ARHGAP28: variants seen among roughly 807,000 people sequenced by gnomAD.
ARHGAP28 encodes the protein Rho GTPase activating protein 28.
ARHGAP28 carries 56 observed loss-of-function variants against 90.7 expected under a neutral mutation model. The observed-to-expected ratio is 0.62, with a 90% CI of 0.50 to 0.77. The LOEUF (loss-of-function observed/expected upper bound fraction) is 0.77, where lower values mean the gene tolerates loss of function less well. ARHGAP28 is among the 30% of genes least tolerant of loss of function. The probability of loss-of-function intolerance (pLI) is 0.00; values close to 1 mark genes in which losing one functional copy is unlikely to be tolerated. For synonymous variants in ARHGAP28, 308 were observed against 323.3 expected (o/e 0.95, Z 0.51); for missense variants, 869 against 900.9 (o/e 0.96, Z 0.45).
At chr18:6,898,398 T>A in intron 16 of ARHGAP28, 1 of 993,554 alleles carries the variant, frequency 1.0e-6, no homozygotes, top group Non-Finnish European at 1.6e-6. Flanking sequence ...TATACACATA[T>A]ACACACACAC....
chr18:6,904,472 T>C (rs903807523), intron 16 of ARHGAP28, among the ~76,000 whole-genome samples: 1 of 152,212 alleles, frequency 6.6e-6, no homozygotes, highest in Non-Finnish European at 1.5e-5. Flanking sequence ...GAAGAATTTA[T>C]AGCAGTAAAT....
intron 12 of ARHGAP28, among the ~76,000 whole-genome samples, chr18:6,887,719 G>A (rs1032465453): frequency 6.6e-6 from 1 of 152,162 alleles, no homozygotes; most frequent in Non-Finnish European, 1.5e-5. Flanking sequence ...CACCACGCCC[G>A]GGCGGTATGT....
At chr18:6,890,167 C>G in intron 13 of ARHGAP28, 82 bp downstream of exon 13, 1 of 1,492,024 alleles carries the variant, frequency 6.7e-7, no homozygotes, top group Non-Finnish European at 9.3e-7. Flanking sequence ...GGGCAACTCC[C>G]TTGGTCATAG....
At chr18:6,781,016 C>T (rs921315481) in intron 1 of ARHGAP28, among the ~76,000 whole-genome samples, 10 of 152,288 alleles carry the variant, frequency 6.6e-5, no homozygotes, top group Admixed American at 1.3e-4. Context: ...CCACTTCTGA[C>T]GGACAGCAGA....
chr18:6,738,759 TAA>T, intron 1 of ARHGAP28, among the ~76,000 whole-genome samples: 1 of 152,138 alleles, frequency 6.6e-6, no homozygotes, highest in East Asian at 1.9e-4. Flanking sequence ...TGGCAAGAGA[TAA>T]AAAGCAGAAG....
intron 14 of ARHGAP28, among the ~76,000 whole-genome samples, chr18:6,892,372 G>A (rs571193558): frequency 6.6e-6 from 1 of 151,952 alleles, no homozygotes; most frequent in Admixed American, 6.6e-5. Context: ...GGCTGGTTTC[G>A]AACTCCTGAC....
At chr18:6,910,957 G>A (rs896782887) in intron 17 of ARHGAP28, among the ~76,000 whole-genome samples, 1 of 151,814 alleles carries the variant, frequency 6.6e-6, no homozygotes, top group African/African-American at 2.4e-5. Flanking sequence ...CCATTCTCCT[G>A]CCTCAGCCTC....
chr18:6,886,741 G>A (rs1229578749), intron 11 of ARHGAP28, among the ~76,000 whole-genome samples: 1 of 152,144 alleles, frequency 6.6e-6, no homozygotes, highest in African/African-American at 2.4e-5. Flanking sequence ...TAGTAGTCCA[G>A]GTTTGAAACC....
At chr18:6,789,934 T>A (rs1478603144) in intron 1 of ARHGAP28, 1 of 152,086 alleles carries the variant, frequency 6.6e-6, no homozygotes, top group Non-Finnish European at 1.5e-5. Context: ...TTAAAGTGAT[T>A]CTCATGCCGC....
At chr18:6,828,837 A>G (rs541872706) in intron 2 of ARHGAP28, among the ~76,000 whole-genome samples, 98 of 152,334 alleles carry the variant, frequency 6.4e-4, no homozygotes, top group African/African-American at 2.2e-3. Context: ...CCTGTCTGTC[A>G]ACAAGCAAAT....
chr18:6,736,604 G>T (rs887772979), intron 1 of ARHGAP28, among the ~76,000 whole-genome samples: 1 of 151,430 alleles, frequency 6.6e-6, no homozygotes, highest in Non-Finnish European at 1.5e-5. Context: ...AAAATTAGTC[G>T]AGCGTGATGG....
chr18:6,831,471 G>GTTTTTTTTTTTTTTTTA (rs57331018), intron 2 of ARHGAP28, among the ~76,000 whole-genome samples: 1 of 109,306 alleles, frequency 9.1e-6, no homozygotes, highest in Non-Finnish European at 1.8e-5. Context: ...GTATCTTGAT[G>GTTTTTTTTTTTTTTTTA]TTTTTTTTTT....
intron 5 of ARHGAP28, among the ~76,000 whole-genome samples, chr18:6,864,971 C>A: frequency 6.6e-6 from 1 of 152,100 alleles, no homozygotes; most frequent in East Asian, 1.9e-4. Flanking sequence ...TTCCCATATC[C>A]CCCCATTCCT....
chr18:6,871,207 G>A (rs969928741), intron 7 of ARHGAP28, among the ~76,000 whole-genome samples: 5 of 152,230 alleles, frequency 3.3e-5, no homozygotes, highest in African/African-American at 1.2e-4. Context: ...CACTTGTTGT[G>A]CAGTGCACAG....
At chr18:6,857,440 C>G (rs546611837) in intron 4 of ARHGAP28, among the ~76,000 whole-genome samples, 39 of 152,292 alleles carry the variant, frequency 2.6e-4, no homozygotes, top group African/African-American at 9.4e-4. Flanking sequence ...GTGTGGAGAA[C>G]GCGTTAGCTT....
intron 1 of ARHGAP28, among the ~76,000 whole-genome samples, chr18:6,812,288 A>G (rs1426699369): frequency 6.6e-6 from 1 of 152,216 alleles, no homozygotes; most frequent in African/African-American, 2.4e-5. Flanking sequence ...TTGGCTAGCC[A>G]TCAAAATCAA....
chr18:6,860,690 A>G (rs1228366365), intron 5 of ARHGAP28, among the ~76,000 whole-genome samples: 1 of 152,212 alleles, frequency 6.6e-6, no homozygotes, highest in African/African-American at 2.4e-5. Context: ...ATTTACATGC[A>G]TGACACATTC....
At position 6,913,725 on chromosome 18, in the gene ARHGAP28, C is replaced by T. The variant is rs1340848923; in HGVS notation, c.*1571C>T. The T allele has an allele frequency of 2.7e-5, 3 of 111,430 alleles. No individual in the cohort carries two copies. The highest frequency in any genetic ancestry group is 9.8e-5 in the Admixed American group (1 of 10,222). 6.9% of individuals were successfully genotyped at this position (111,430 alleles called of 1,614,324 possible). A position where few individuals can be genotyped will look rare whatever the true frequency, so the allele number is the denominator to read the frequency against. ...TTTTGTTCCATTCATTTAATTTGTT[C>T]ATCTGAGAATTTTTTTTTTTGCCTG... On this transcript the variant is annotated 3_prime_UTR_variant, in exon 18 of 18. Coordinates refer to ENST00000383472, the MANE Select transcript of ARHGAP28 (RefSeq NM_001366230.1).
intron 16 of ARHGAP28, among the ~76,000 whole-genome samples, chr18:6,898,891 G>A (rs1159852365): frequency 6.6e-6 from 1 of 151,662 alleles, no homozygotes; most frequent in East Asian, 1.9e-4. Context: ...GGGGCAAAAG[G>A]GGGAAGAGGG....
Sources: allele counts gnomAD v4.1 joint callset (sites outside exome capture counted in the v4.1 genomes callset), GRCh38; gene constraint gnomAD v4.1.1; transcripts MANE v1.5; gene names NCBI Gene and HGNC (gene_info 2026-07-23, HGNC 2026-07-21).